Variants in KCNQ5 observed in about 807,000 individuals in gnomAD.
KCNQ5 encodes potassium voltage-gated channel subfamily Q member 5.
A neutral mutation model predicts 98.2 loss-of-function variants in KCNQ5; 30 were observed. The ratio of observed to expected loss-of-function variants is 0.31; its 90% CI spans 0.23 to 0.41. KCNQ5 has a LOEUF of 0.41. KCNQ5 is among the 10% of genes least tolerant of loss of function. The pLI is 1.00. For synonymous variants in KCNQ5, 458 were observed against 449.4 expected, an observed-to-expected ratio of 1.02 and a Z score of -0.24; for missense variants, 835 against 1,182.5, an observed-to-expected ratio of 0.71 and a Z score of 4.31.
chr6:72,958,108 A>G (rs533073088), intron 1 of KCNQ5, among the ~76,000 whole-genome samples: 127 of 152,158 alleles, frequency 8.3e-4, no homozygotes, highest in African/African-American at 2.9e-3. Flanking sequence ...AATGAAAGGC[A>G]TCCAAGCTTT....
chr6:72,917,428 G>GC (rs35159235), intron 1 of KCNQ5, among the ~76,000 whole-genome samples: 10,217 of 151,344 alleles, frequency 0.068, 1,049 homozygotes, highest in African/African-American at 0.22. Flanking sequence ...GGATTTAGGA[G>GC]CCCCCCCACC....
chr6:72,791,341 A>G (rs1774029242), intron 1 of KCNQ5, among the ~76,000 whole-genome samples: 3 of 152,228 alleles, frequency 2.0e-5, no homozygotes, highest in Admixed American at 2.0e-4. Flanking sequence ...CAGCTAGACT[A>G]GTATCCAGAA....
chr6:72,660,008 T>C (rs1196506865), intron 1 of KCNQ5, among the ~76,000 whole-genome samples: 1 of 152,222 alleles, frequency 6.6e-6, no homozygotes, highest in Non-Finnish European at 1.5e-5. Flanking sequence ...CTTCCGTTCT[T>C]GTCCCTTGTG....
intron 1 of KCNQ5, among the ~76,000 whole-genome samples, chr6:72,752,551 A>G (rs1771736678): frequency 1.3e-5 from 2 of 152,104 alleles, no homozygotes; most frequent in African/African-American, 4.8e-5. Flanking sequence ...CCACCCATTG[A>G]TATGAGCAAT....
chr6:73,157,544 T>C, intron 10 of KCNQ5: 1 of 743,754 alleles, frequency 1.3e-6, no homozygotes, highest in East Asian at 2.5e-5. Context: ...ACTTCCATCC[T>C]TGCTGGGTGG....
At chr6:72,854,448 T>C (rs1463321321) in intron 1 of KCNQ5, among the ~76,000 whole-genome samples, 11 of 151,976 alleles carry the variant, frequency 7.2e-5, no homozygotes, top group African/African-American at 4.8e-5. Context: ...AATTTCTTTT[T>C]ACTATTAATA....
chr6:72,685,837 G>T (rs888609523), intron 1 of KCNQ5, among the ~76,000 whole-genome samples: 5 of 152,150 alleles, frequency 3.3e-5, no homozygotes, highest in Non-Finnish European at 7.4e-5. Flanking sequence ...GCTCCTCTAA[G>T]AAAATACCAT....
intron 3 of KCNQ5, among the ~76,000 whole-genome samples, chr6:73,053,088 G>T (rs1162036435): frequency 2.6e-5 from 4 of 152,046 alleles, no homozygotes; most frequent in Non-Finnish European, 4.4e-5. Flanking sequence ...AAAAGCAGGA[G>T]TTGCTATTCT....
At chr6:73,160,641 A>G (rs1301012643) in intron 10 of KCNQ5, among the ~76,000 whole-genome samples, 3 of 152,204 alleles carry the variant, frequency 2.0e-5, no homozygotes, top group Non-Finnish European at 2.9e-5. Flanking sequence ...TGTTGTCTCA[A>G]ATTGCTCCTC....
chr6:73,162,809 G>A (rs1219362706), intron 10 of KCNQ5, among the ~76,000 whole-genome samples: 1 of 152,132 alleles, frequency 6.6e-6, no homozygotes, highest in African/African-American at 2.4e-5. Flanking sequence ...GTGTGGAGTT[G>A]GCACATCCTC....
At chr6:72,834,229 A>G (rs1248726727) in intron 1 of KCNQ5, among the ~76,000 whole-genome samples, 1 of 152,124 alleles carries the variant, frequency 6.6e-6, no homozygotes, top group East Asian at 1.9e-4. Flanking sequence ...TTAAAAAAGA[A>G]AAAAAAGACT....
At chr6:72,950,227 T>A (rs913820313) in intron 1 of KCNQ5, among the ~76,000 whole-genome samples, 5 of 152,232 alleles carry the variant, frequency 3.3e-5, no homozygotes, top group African/African-American at 9.6e-5. Flanking sequence ...AGTTTTAACA[T>A]AACTGGTAGC....
At position 72,828,941 on chromosome 6, in the gene KCNQ5, T is replaced by C. The variant is rs191102128; in HGVS notation, c.399-174967T>C. On this transcript the variant is annotated intron_variant, in intron 1 of 13. Coordinates refer to ENST00000370398, the MANE Select transcript of KCNQ5 (RefSeq NM_019842.4). ...TTTTAATACAACCTACAAAATAAAATACATTTATGTACATATCTACATATA... is the reference window on the plus strand; with the variant it reads ...TTTTAATACAACCTACAAAATAAAACACATTTATGTACATATCTACATATA... 2.1e-3 allele frequency among the ~76,000 whole-genome samples: 317 copies of C among 152,202 alleles called. 1 individual carries two copies. The highest frequency in any genetic ancestry group is 6.8e-3 in the African/African-American group (281 of 41,544).
rs183407258 is a variant in KCNQ5 at position 73,057,384 on chromosome 6, A to G, written c.616+15322A>G. 2.6e-3 allele frequency among the ~76,000 whole-genome samples: 398 copies of G among 152,218 alleles called. 2 individuals carry two copies. The highest frequency in any genetic ancestry group is 9.3e-3 in the African/African-American group (386 of 41,520). ...TTAGGAGATATACCTAATGTAAATG[A>G]CAAGTTAATGGGTGCAGCACACCAA... is the stretch of plus-strand genomic sequence containing the variant. On this transcript the variant is annotated intron_variant, in intron 3 of 13. Coordinates refer to ENST00000370398, the MANE Select transcript of KCNQ5 (RefSeq NM_019842.4).
chr6:72,739,394 G>A (rs541343835), intron 1 of KCNQ5, among the ~76,000 whole-genome samples: 4 of 152,100 alleles, frequency 2.6e-5, no homozygotes, highest in African/African-American at 7.2e-5. Flanking sequence ...TATGCTATGG[G>A]GGCCAACACA....
chr6:72,710,162 G>T (rs1769292199), intron 1 of KCNQ5, among the ~76,000 whole-genome samples: 2 of 152,124 alleles, frequency 1.3e-5, no homozygotes, highest in South Asian at 4.1e-4. Context: ...ACAAATACAA[G>T]ATGTTAAAAG....
chr6:73,030,504 C>T (rs116925410), intron 2 of KCNQ5, among the ~76,000 whole-genome samples: 2 of 152,142 alleles, frequency 1.3e-5, no homozygotes, highest in African/African-American at 4.8e-5. Flanking sequence ...ACATTTACAC[C>T]AATAACACAT....
chr6:72,677,117 C>G (rs938144376), intron 1 of KCNQ5: 2 of 152,144 alleles, frequency 1.3e-5, no homozygotes, highest in African/African-American at 4.8e-5. Context: ...AACCGCATGG[C>G]GTACTACTCT....
At chr6:72,915,237 T>C (rs1425051553) in intron 1 of KCNQ5, among the ~76,000 whole-genome samples, 1 of 151,978 alleles carries the variant, frequency 6.6e-6, no homozygotes, top group African/African-American at 2.4e-5. Flanking sequence ...ATAGCCAGAG[T>C]TGGCAACAAG....
Sources: gnomAD v4.1 joint callset for allele counts (sites outside exome capture counted in the v4.1 genomes callset) on GRCh38, gnomAD v4.1.1 for gene constraint, MANE v1.5 for transcripts, NCBI Gene and HGNC (gene_info 2026-07-23, HGNC 2026-07-21) for gene names.